NEK1: variants seen among roughly 807,000 people sequenced by gnomAD.
NEK1 encodes NIMA related kinase 1.
NEK1 carries 137 observed loss-of-function variants against 182.1 expected under a neutral mutation model. The observed-to-expected ratio is 0.75, with a 90% CI of 0.65 to 0.87. The LOEUF is 0.87. NEK1 is among the 40% of genes least tolerant of loss of function. The probability of loss-of-function intolerance (pLI) is 0.00; values close to 1 mark genes in which losing one functional copy is unlikely to be tolerated. For missense variants in NEK1, 1,391 were observed against 1,494.4 expected (o/e 0.93, Z 1.14); for synonymous variants, 513 against 492.2 (o/e 1.04, Z -0.56).
intron 19 of NEK1, among the ~76,000 whole-genome samples, chr4:169,527,588 A>G (rs1757067609): frequency 6.6e-6 from 1 of 152,170 alleles, no homozygotes; most frequent in Non-Finnish European, 1.5e-5. Flanking sequence ...AATATTGTTT[A>G]TAAACAGATT....
At chr4:169,580,664 T>C (rs890979220) in intron 11 of NEK1, among the ~76,000 whole-genome samples, 178 bp downstream of exon 11, 10 of 151,950 alleles carry the variant, frequency 6.6e-5, no homozygotes, top group Admixed American at 2.0e-4. Flanking sequence ...AATGAGAATG[T>C]TATTAATTTA....
intron 22 of NEK1, 51 bp from the exon 23 acceptor site, chr4:169,507,183 GTTT>G: frequency 1.0e-5 from 6 of 583,350 alleles, no homozygotes; most frequent in Admixed American, 8.5e-5. Context: ...AAGGGCAGAG[GTTT>G]TTTTTTTTTT....
chr4:169,485,113 T>A (rs986832788), intron 23 of NEK1, among the ~76,000 whole-genome samples: 1 of 152,122 alleles, frequency 6.6e-6, no homozygotes, highest in African/African-American at 2.4e-5. Flanking sequence ...AGAGACAAAT[T>A]TATTGGCACT....
chr4:169,494,933 T>A (rs1431679787), intron 23 of NEK1, among the ~76,000 whole-genome samples: 1 of 152,226 alleles, frequency 6.6e-6, no homozygotes, highest in Non-Finnish European at 1.5e-5. Flanking sequence ...TCGCCCACTT[T>A]GTGATGGCGT....
At chr4:169,552,394 C>T (rs568104941) in intron 18 of NEK1, among the ~76,000 whole-genome samples, 1 of 150,720 alleles carries the variant, frequency 6.6e-6, no homozygotes, top group African/African-American at 2.4e-5. Context: ...CAAAATCCAG[C>T]ACCCATTTCT....
At chr4:169,508,886 T>C (rs1753746835) in intron 19 of NEK1, 34 bp from the exon 20 acceptor site, 10 of 1,489,586 alleles carry the variant, frequency 6.7e-6, no homozygotes, top group Non-Finnish European at 9.1e-6. Flanking sequence ...GTTTAAAGAA[T>C]GACTAAGGCT....
At chr4:169,610,190 C>T (rs535317831) in intron 2 of NEK1, among the ~76,000 whole-genome samples, 6 of 152,018 alleles carry the variant, frequency 3.9e-5, no homozygotes, top group East Asian at 3.9e-4. Context: ...TTAGTAGAGA[C>T]GGGGTTTCGC....
At chr4:169,477,904 AT>A (rs1439447634) in intron 24 of NEK1, among the ~76,000 whole-genome samples, 1 of 152,088 alleles carries the variant, frequency 6.6e-6, no homozygotes, top group Non-Finnish European at 1.5e-5. Context: ...AGATGAAGTA[AT>A]TCAAAATAGG....
At chr4:169,433,046 T>G (rs1369912419) in intron 29 of NEK1, among the ~76,000 whole-genome samples, 1 of 152,008 alleles carries the variant, frequency 6.6e-6, no homozygotes, top group African/African-American at 2.4e-5. Context: ...AATACAGGTG[T>G]GAACCACCGT....
At chr4:169,415,301 C>T (rs1734354654) in intron 31 of NEK1, among the ~76,000 whole-genome samples, 1 of 152,178 alleles carries the variant, frequency 6.6e-6, no homozygotes, top group Non-Finnish European at 1.5e-5. Flanking sequence ...AAATCATCTA[C>T]TGTATTTACA....
In NEK1 at chr4:169,580,917, GA is replaced by G. The variant is rs758875597; in HGVS notation, c.808-16del. 2.3e-4 allele frequency: 322 copies of G among 1,421,740 alleles called. 4 individuals carry two copies. Among genetic ancestry groups the G allele is most frequent in the Non-Finnish European group, 2.3e-5 (24 of 1,051,268 alleles). The allele number at this position is 1,421,740 out of a possible 1,614,324, so 88.1% of individuals were successfully genotyped here. On this transcript the variant is annotated splice_polypyrimidine_tract_variant and intron_variant, in intron 10 of 35. Coordinates refer to ENST00000507142, the MANE Select transcript of NEK1 (RefSeq NM_001199397.3). ...TCTGCAATAAGCTGAGATTGAAAGA[GA>G]AAAAAATTAGAAAAGATGTTACATT...
At chr4:169,495,970 T>G (rs184614721) in intron 23 of NEK1, among the ~76,000 whole-genome samples, 1 of 152,216 alleles carries the variant, frequency 6.6e-6, no homozygotes, top group African/African-American at 2.4e-5. Flanking sequence ...GGGGATGGCA[T>G]TGAATCTATA....
chr4:169,546,898 A>G (rs1760564990), intron 18 of NEK1, among the ~76,000 whole-genome samples: 1 of 152,206 alleles, frequency 6.6e-6, no homozygotes, highest in Non-Finnish European at 1.5e-5. Flanking sequence ...TCCTGAATAC[A>G]GCACACTGAT....
chr4:169,426,196 G>A lies in NEK1; in HGVS notation c.2924C>T (p.Ser975Phe), dbSNP rs1479164374. 1.9e-6 allele frequency: 3 copies of A among 1,613,542 alleles called. No homozygotes were observed. The highest frequency in any genetic ancestry group is 1.3e-5 in the African/African-American group (1 of 74,876). Residue 975 changes from serine (S) to phenylalanine (F), a missense_variant, in exon 30 of 36, where the codon TCT (serine) becomes TTT (phenylalanine). Coordinates refer to ENST00000507142, the MANE Select transcript of NEK1 (RefSeq NM_001199397.3). ...DRITIQENEV[S>F]EDGVSSTVDQ... ...CACAGTACTCGAGACTCCATCTTCA[G>A]AAACTTCATTTTCCTGAATGGTGAT...
intron 19 of NEK1, among the ~76,000 whole-genome samples, chr4:169,523,972 A>C (rs926190743): frequency 2.0e-5 from 3 of 152,250 alleles, no homozygotes; most frequent in Non-Finnish European, 4.4e-5. Context: ...AGAAAGTAAC[A>C]TTTCTCAAGG....
intron 18 of NEK1, chr4:169,554,357 G>C (rs1761851329): frequency 6.7e-6 from 1 of 148,212 alleles, no homozygotes; most frequent in African/African-American, 2.5e-5. Context: ...GGTCAAGGCT[G>C]CAAGTGAGCC....
At chr4:169,504,564 G>A (rs945831052) in intron 23 of NEK1, among the ~76,000 whole-genome samples, 1 of 152,126 alleles carries the variant, frequency 6.6e-6, no homozygotes, top group Non-Finnish European at 1.5e-5. Context: ...AATAGAATGA[G>A]ATCCTGTCAT....
chr4:169,454,128 T>C (rs890485246), intron 27 of NEK1, among the ~76,000 whole-genome samples: 21 of 152,184 alleles, frequency 1.4e-4, no homozygotes, highest in Non-Finnish European at 2.5e-4. Flanking sequence ...GCTAGCCATA[T>C]ATAGAAAGCT....
At position 169,602,694 on chromosome 4, in the gene NEK1, A is replaced by C; in HGVS notation, c.-48-16T>G. Reference sequence around the variant, plus strand: ...ATTTAAAAAACTAACAAAAAAGATAAAGCATTTATAACATGAGATAAAACA... The same window carrying C: ...ATTTAAAAAACTAACAAAAAAGATACAGCATTTATAACATGAGATAAAACA... On this transcript the variant is annotated splice_polypyrimidine_tract_variant and intron_variant, in intron 2 of 35. Transcript: ENST00000507142. 1 of 843,906 alleles carries C rather than the reference A, an allele frequency of 1.2e-6. No individual in the cohort carries two copies. Among genetic ancestry groups the C allele is most frequent in the Non-Finnish European group, 2.0e-6 (1 of 501,734 alleles). 52.3% of individuals were successfully genotyped at this position (843,906 alleles called of 1,614,324 possible). A position where few individuals can be genotyped will look rare whatever the true frequency, so the allele number is the denominator to read the frequency against.
Sources: allele counts gnomAD v4.1 joint callset (sites outside exome capture counted in the v4.1 genomes callset), GRCh38; gene constraint gnomAD v4.1.1; transcripts MANE v1.5; gene names NCBI Gene and HGNC (gene_info 2026-07-23, HGNC 2026-07-21).